Variants in SORCS1 observed in about 807,000 individuals in gnomAD.
SORCS1 encodes sortilin related VPS10 domain containing receptor 1.
SORCS1 carries 60 observed loss-of-function variants against 146.1 expected under a neutral mutation model. That is an observed-to-expected ratio of 0.41 (90% CI 0.33 to 0.51). SORCS1 has a LOEUF of 0.51. Among genes scored for constraint, SORCS1 ranks in the 20% least tolerant of loss-of-function variants. The pLI, the probability that SORCS1 is intolerant of heterozygous loss-of-function variation, is 0.21. For missense variants in SORCS1, 1,352 were observed against 1,487.6 expected (o/e 0.91, Z 1.50); for synonymous variants, 637 against 584.0 (o/e 1.09, Z -1.31).
chr10:106,928,063 C>T (rs2418826), intron 2 of SORCS1, among the ~76,000 whole-genome samples: 5 of 152,124 alleles, frequency 3.3e-5, no homozygotes, highest in African/African-American at 9.7e-5. Context: ...CCCGCACCGG[C>T]GCTGCATGTG....
intron 1 of SORCS1, among the ~76,000 whole-genome samples, chr10:107,017,091 A>C (rs1242121206): frequency 6.6e-6 from 1 of 152,216 alleles, no homozygotes; most frequent in East Asian, 1.9e-4. Context: ...ACTTTGCAAA[A>C]GTGTTTGAGA....
chr10:106,969,996 C>G (rs1406549912), intron 1 of SORCS1: 2 of 152,324 alleles, frequency 1.3e-5, no homozygotes, highest in Non-Finnish European at 2.9e-5. Flanking sequence ...TGCCAATACT[C>G]TGTGACACTA....
At chr10:106,816,768 A>C (rs1947761557) in intron 3 of SORCS1, among the ~76,000 whole-genome samples, 1 of 152,206 alleles carries the variant, frequency 6.6e-6, no homozygotes. Context: ...AATAATAATA[A>C]AACGAAGACT....
chr10:106,934,544 C>T (rs1241446261), intron 2 of SORCS1, among the ~76,000 whole-genome samples: 2 of 152,196 alleles, frequency 1.3e-5, no homozygotes, highest in Non-Finnish European at 2.9e-5. Flanking sequence ...CAGGCATGAG[C>T]CACTGCACCC....
chr10:107,001,447 T>C (rs934203274), intron 1 of SORCS1, among the ~76,000 whole-genome samples: 1 of 152,138 alleles, frequency 6.6e-6, no homozygotes, highest in Non-Finnish European at 1.5e-5. Context: ...TTTAGTAATC[T>C]ACTTATAAGC....
At chr10:106,578,708 C>T (rs1022233152) in intron 25 of SORCS1, 44 of 1,082,878 alleles carry the variant, frequency 4.1e-5, no homozygotes, top group Non-Finnish European at 4.7e-5. Context: ...TCAATACATA[C>T]CATGTCCTGC....
intron 3 of SORCS1, among the ~76,000 whole-genome samples, chr10:106,784,120 G>T (rs1039947810): frequency 3.3e-5 from 5 of 152,172 alleles, no homozygotes; most frequent in Non-Finnish European, 5.9e-5. Context: ...CTGGGGCCGG[G>T]TGCAGTGGCT....
intron 5 of SORCS1, among the ~76,000 whole-genome samples, chr10:106,758,166 G>A (rs185216489): frequency 6.6e-6 from 1 of 152,262 alleles, no homozygotes; most frequent in East Asian, 1.9e-4. Context: ...TGCTGATCAA[G>A]CTTTCACATA....
chr10:107,088,672 G>A (rs1963949708), intron 1 of SORCS1, among the ~76,000 whole-genome samples: 1 of 152,186 alleles, frequency 6.6e-6, no homozygotes, highest in Admixed American at 6.5e-5. Flanking sequence ...ACAGATCACT[G>A]GAAGAGATAT....
At chr10:106,764,420 A>G (rs938547897) in intron 4 of SORCS1, among the ~76,000 whole-genome samples, 2 of 152,226 alleles carry the variant, frequency 1.3e-5, no homozygotes, top group Non-Finnish European at 2.9e-5. Flanking sequence ...TGACTGTCTC[A>G]GCCACCAGCG....
intron 1 of SORCS1, among the ~76,000 whole-genome samples, chr10:106,975,539 G>A (rs962727522): frequency 6.6e-6 from 1 of 152,194 alleles, no homozygotes; most frequent in African/African-American, 2.4e-5. Context: ...AGGAAGAGCT[G>A]GTAGACCCTG....
At chr10:106,682,334 A>G (rs2135573938) in intron 10 of SORCS1, among the ~76,000 whole-genome samples, 1 of 152,264 alleles carries the variant, frequency 6.6e-6, no homozygotes, top group Non-Finnish European at 1.5e-5. Context: ...CTTTTGGTGT[A>G]CTTTTTTCTC....
intron 3 of SORCS1, among the ~76,000 whole-genome samples, chr10:106,801,284 A>C (rs1946857239): frequency 6.6e-6 from 1 of 152,186 alleles, no homozygotes; most frequent in African/African-American, 2.4e-5. Flanking sequence ...AAAGGAATAA[A>C]GGCAAGAGAA....
chr10:106,972,340 C>G (rs1272105007), intron 1 of SORCS1, among the ~76,000 whole-genome samples: 1 of 147,356 alleles, frequency 6.8e-6, no homozygotes, highest in African/African-American at 2.5e-5. Context: ...GTGATCGCAC[C>G]ACTACACTCC....
chr10:106,995,983 C>G (rs1053293423), intron 1 of SORCS1, among the ~76,000 whole-genome samples: 2 of 152,016 alleles, frequency 1.3e-5, no homozygotes, highest in African/African-American at 4.8e-5. Context: ...AATCGCAGCA[C>G]TTTGGGAGGC....
At chr10:106,910,504 A>G (rs1952100917) in intron 2 of SORCS1, among the ~76,000 whole-genome samples, 1 of 152,158 alleles carries the variant, frequency 6.6e-6, no homozygotes, top group South Asian at 2.1e-4. Context: ...GTCATACAAG[A>G]GGTCTCATCC....
At chr10:106,933,936 A>G (rs1404666815) in intron 2 of SORCS1, among the ~76,000 whole-genome samples, 1 of 152,058 alleles carries the variant, frequency 6.6e-6, no homozygotes, top group Non-Finnish European at 1.5e-5. Context: ...TCTACTAAAA[A>G]TACAAAAATT....
intron 2 of SORCS1, among the ~76,000 whole-genome samples, chr10:106,850,789 A>T (rs1350555281): frequency 6.6e-6 from 1 of 152,154 alleles, no homozygotes. Context: ...ATGGGAATAG[A>T]TTTCAAATCT....
chr10:106,928,790 A>G (rs965751685), intron 2 of SORCS1, among the ~76,000 whole-genome samples: 4 of 152,156 alleles, frequency 2.6e-5, no homozygotes, highest in Non-Finnish European at 4.4e-5. Flanking sequence ...AGGTGTCTCA[A>G]AAGGGGAAAA....
Sources: gnomAD v4.1 joint callset for allele counts (sites outside exome capture counted in the v4.1 genomes callset) on GRCh38, gnomAD v4.1.1 for gene constraint, MANE v1.5 for transcripts, NCBI Gene and HGNC (gene_info 2026-07-23, HGNC 2026-07-21) for gene names.